The following ARHGAP15 variants were observed in gnomAD, a reference collection of about 807,000 sequenced individuals.
ARHGAP15 encodes Rho GTPase activating protein 15.
In ARHGAP15, 51 loss-of-function variants were observed where a neutral mutation model predicts 63.7. That is an observed-to-expected ratio of 0.80 (90% CI 0.64 to 1.01). The LOEUF (loss-of-function observed/expected upper bound fraction) is 1.01, where lower values mean the gene tolerates loss of function less well. Among genes scored for constraint, ARHGAP15 ranks in the 50% least tolerant of loss-of-function variants. The pLI is 0.00. For missense variants in ARHGAP15, 560 were observed against 564.6 expected (o/e 0.99, Z 0.08); for synonymous variants, 191 against 193.8 (o/e 0.99, Z 0.12).
intron 8 of ARHGAP15, among the ~76,000 whole-genome samples, chr2:143,487,127 G>A (rs1044927322): frequency 6.6e-6 from 1 of 152,204 alleles, no homozygotes; most frequent in African/African-American, 2.4e-5. Context: ...ATAAGGAAAT[G>A]AAAGTGAAAA....
chr2:143,464,998 A>T (rs763159121), intron 8 of ARHGAP15, among the ~76,000 whole-genome samples: 22 of 152,140 alleles, frequency 1.4e-4, no homozygotes, highest in Non-Finnish European at 2.5e-4. Context: ...AGTTCCTCAC[A>T]TGAATAAAAT....
At chr2:143,317,434 C>T (rs1574263643) in intron 6 of ARHGAP15, among the ~76,000 whole-genome samples, 1 of 152,078 alleles carries the variant, frequency 6.6e-6, no homozygotes, top group Admixed American at 6.5e-5. Context: ...ATATATTGCA[C>T]AAAATAAATT....
intron 6 of ARHGAP15, among the ~76,000 whole-genome samples, chr2:143,374,052 G>A (rs1477191065): frequency 1.3e-5 from 2 of 152,078 alleles, no homozygotes; most frequent in Non-Finnish European, 2.9e-5. Context: ...GTGTATCTGT[G>A]AGGTACAATT....
chr2:143,608,936 T>C (rs974293213), intron 11 of ARHGAP15, among the ~76,000 whole-genome samples: 1 of 152,220 alleles, frequency 6.6e-6, no homozygotes, highest in African/African-American at 2.4e-5. Flanking sequence ...TCAGCTTGAA[T>C]AGACAGAAAA....
chr2:143,459,362 G>T (rs984508681), intron 8 of ARHGAP15, among the ~76,000 whole-genome samples: 28 of 151,974 alleles, frequency 1.8e-4, no homozygotes, highest in African/African-American at 6.5e-4. Context: ...TGCTTTATTT[G>T]CCTTGTTTCC....
intron 6 of ARHGAP15, 48 bp from the exon 7 acceptor site, chr2:143,435,553 A>G (rs754534974): frequency 6.6e-7 from 1 of 1,508,642 alleles, no homozygotes; most frequent in South Asian, 1.3e-5. Flanking sequence ...TCTATCTTAC[A>G]TAGTTTCTTT....
chr2:143,755,297 A>G (rs1686536474), intron 13 of ARHGAP15, among the ~76,000 whole-genome samples: 1 of 151,866 alleles, frequency 6.6e-6, no homozygotes, highest in East Asian at 1.9e-4. Context: ...TCTATACCAA[A>G]TATCAATAGT....
intron 12 of ARHGAP15, among the ~76,000 whole-genome samples, chr2:143,679,654 CG>C (rs1683002955): frequency 6.7e-6 from 1 of 149,846 alleles, no homozygotes; most frequent in East Asian, 2.0e-4. Context: ...TGCGTGTGTG[CG>C]TGTGTGTGTG....
At chr2:143,341,024 C>A (rs11886355) in intron 6 of ARHGAP15, among the ~76,000 whole-genome samples, 2,529 of 151,978 alleles carry the variant, frequency 0.017, 77 homozygotes, top group African/African-American at 0.057. Flanking sequence ...TTTATTCATT[C>A]ATTTGACTTA....
intron 11 of ARHGAP15, among the ~76,000 whole-genome samples, chr2:143,613,518 T>C (rs1391449387): frequency 6.6e-6 from 1 of 152,210 alleles, no homozygotes; most frequent in Non-Finnish European, 1.5e-5. Context: ...TAAAACACCA[T>C]TGAAGTCTTA....
chr2:143,317,326 TATTC>T (rs2105210270), intron 6 of ARHGAP15, among the ~76,000 whole-genome samples: 1 of 152,338 alleles, frequency 6.6e-6, no homozygotes, highest in South Asian at 2.1e-4. Flanking sequence ...GTGTGAAGTG[TATTC>T]ATTGAACACC....
chr2:143,534,107 C>T (rs184028341), intron 10 of ARHGAP15, among the ~76,000 whole-genome samples: 13 of 152,258 alleles, frequency 8.5e-5, no homozygotes, highest in South Asian at 2.1e-4. Flanking sequence ...AATCGAGAGA[C>T]GAGGTGGAAG....
intron 1 of ARHGAP15, among the ~76,000 whole-genome samples, chr2:143,153,536 C>T (rs374545220): frequency 6.6e-6 from 1 of 151,914 alleles, no homozygotes; most frequent in East Asian, 1.9e-4. Context: ...TGATTTATTA[C>T]TGAAGAATCA....
intron 13 of ARHGAP15, among the ~76,000 whole-genome samples, chr2:143,729,840 A>G (rs2105481455): frequency 6.6e-6 from 1 of 152,362 alleles, no homozygotes; most frequent in Non-Finnish European, 1.5e-5. Flanking sequence ...GTACATGTTG[A>G]AAGTTATCTT....
At chr2:143,441,366 T>G (rs946838552) in intron 8 of ARHGAP15, among the ~76,000 whole-genome samples, 1 of 151,976 alleles carries the variant, frequency 6.6e-6, no homozygotes, top group Non-Finnish European at 1.5e-5. Flanking sequence ...CAGGAAACAG[T>G]AGAAAGGAGC....
rs1213343798 is a variant in ARHGAP15 at position 143,561,543 on chromosome 2, G to A, written c.1003+5058G>A. The stretch of plus-strand genomic sequence containing the variant: ...TTTTTTTTTTTTGAGACGGAGTCTC[G>A]GTCGGTCTGTCACCCAGCCTGGAGT... On this transcript the variant is annotated intron_variant, in intron 11 of 13. Transcript: ENST00000295095. Among the ~76,000 whole-genome samples, 3 of 148,828 alleles carry A rather than the reference G, an allele frequency of 2.0e-5. No homozygotes were observed. The South Asian group carries it at 6.4e-4, about 32-fold the overall frequency.
At position 143,703,527 on chromosome 2, in the gene ARHGAP15, A is replaced by T. The variant is rs755149268; in HGVS notation, c.1244+3A>T. 2.5e-6 allele frequency: 4 copies of T among 1,595,912 alleles called. No homozygotes were observed. The highest frequency in any genetic ancestry group is 2.6e-6 in the Non-Finnish European group (3 of 1,170,378). ...GTCCTCTTTGGACATCTAACTAAGT[A>T]AGTTGTAAGGATTTCTGGATGTGTC... On this transcript the variant is annotated splice_donor_region_variant and intron_variant, in intron 13 of 13. Coordinates refer to ENST00000295095, the MANE Select transcript of ARHGAP15 (RefSeq NM_018460.4).
At position 143,643,565 on chromosome 2, in the gene ARHGAP15, A is replaced by T. The variant is rs532923293; in HGVS notation, c.1138+19298A>T. On this transcript the variant is annotated intron_variant, in intron 12 of 13. Coordinates refer to ENST00000295095, the MANE Select transcript of ARHGAP15 (RefSeq NM_018460.4). Reference sequence around the variant, plus strand: ...CAGACCTCCTTTATGATAACCAGTGAATATAGAGTCTAGGAATCTCTTTTT... The same window carrying T: ...CAGACCTCCTTTATGATAACCAGTGTATATAGAGTCTAGGAATCTCTTTTT... 3.3e-5 allele frequency among the ~76,000 whole-genome samples: 5 copies of T among 152,006 alleles called. No individual in the cohort carries two copies. In the East Asian group the frequency reaches 9.7e-4, roughly 29 times the overall value.
At chr2:143,327,908 CAAAA>C (rs201067319) in intron 6 of ARHGAP15, among the ~76,000 whole-genome samples, 3 of 144,750 alleles carry the variant, frequency 2.1e-5, no homozygotes, top group African/African-American at 5.3e-5. Context: ...ATTTACAAGA[CAAAA>C]AAAAAAAATC....
Sources: allele counts gnomAD v4.1 joint callset (sites outside exome capture counted in the v4.1 genomes callset), GRCh38; gene constraint gnomAD v4.1.1; transcripts MANE v1.5; gene names NCBI Gene and HGNC (gene_info 2026-07-23, HGNC 2026-07-21).